The following LAT2 variants were observed in gnomAD, a reference collection of about 807,000 sequenced individuals.
LAT2 encodes the protein linker for activation of T cells family member 2, also known as linker for activation of T-cells family member 2.
LAT2 carries 23 observed loss-of-function variants against 43.4 expected under a neutral mutation model. The ratio of observed to expected loss-of-function variants is 0.53; its 90% CI spans 0.38 to 0.75. LAT2 has a LOEUF of 0.75. LAT2 is among the 30% of genes least tolerant of loss of function. The pLI, the probability that LAT2 is intolerant of heterozygous loss-of-function variation, is 0.00. For missense variants in LAT2, 284 were observed against 310.2 expected, an observed-to-expected ratio of 0.92 and a Z score of 0.64; for synonymous variants, 128 against 123.2, an observed-to-expected ratio of 1.04 and a Z score of -0.26.
chr7:74,214,075 T>TATATATATGAAAAAAAATATATATAA (rs1801842518), intron 1 of LAT2, among the ~76,000 whole-genome samples: 1 of 124,642 alleles, frequency 8.0e-6, no homozygotes, highest in African/African-American at 3.4e-5. Context: ...TATATATAAA[T>TATATATATGAAAAAAAATATATATAA]ATATATATAT....
chr7:74,219,226 C>T (rs983683382), intron 4 of LAT2, among the ~76,000 whole-genome samples: 8 of 151,858 alleles, frequency 5.3e-5, no homozygotes, highest in East Asian at 1.9e-4. Flanking sequence ...TTAGTAGAGA[C>T]GGGGTGAGTG....
Position 74,215,695 on chromosome 7 carries a change from G to A in LAT2, c.-29-252G>A, listed in dbSNP as rs150400815. Among the ~76,000 whole-genome samples the A allele has an allele frequency of 2.3e-4, 35 of 152,256 alleles. 1 individual carries two copies. In the East Asian group the frequency reaches 6.4e-3, roughly 28 times the overall value. On this transcript the variant is annotated intron_variant, in intron 2 of 13. Transcript: ENST00000460943. Reference sequence around the variant, plus strand: ...GTGTAGGGCTGTGTGCGTGCACATGGGGCTGTCTTGTGGGCCCCCAGAACC... The same window carrying A: ...GTGTAGGGCTGTGTGCGTGCACATGAGGCTGTCTTGTGGGCCCCCAGAACC...
At chr7:74,228,330 G>C (rs1802570023) in intron 13 of LAT2, among the ~76,000 whole-genome samples, 1 of 143,304 alleles carries the variant, frequency 7.0e-6, no homozygotes, top group Non-Finnish European at 1.5e-5. Flanking sequence ...CAAAAAATTA[G>C]CCGGGCATGG....
intron 1 of LAT2, among the ~76,000 whole-genome samples, chr7:74,214,126 AAATATATATATG>A (rs1801854079): frequency 3.4e-5 from 2 of 59,202 alleles, no homozygotes; most frequent in African/African-American, 1.6e-4. Flanking sequence ...ATATATATAT[AAATATATATATG>A]AAAATATATA....
At chr7:74,224,522 CG>C (rs1404847737) in intron 12 of LAT2, 116 bp from the exon 13 acceptor site, 1 of 841,780 alleles carries the variant, frequency 1.2e-6, no homozygotes, top group African/African-American at 1.7e-5. Flanking sequence ...CAGGACCTGT[CG>C]GGCGTGGCAT....
At chr7:74,223,477 A>T (rs566738770) in intron 10 of LAT2, among the ~76,000 whole-genome samples, 8 of 152,262 alleles carry the variant, frequency 5.3e-5, no homozygotes, top group African/African-American at 1.9e-4. Flanking sequence ...TGACAGAGCA[A>T]GACCGTCTCA....
Position 74,220,083 on chromosome 7 carries a change from C to A in LAT2, c.227+75C>A. On this transcript the variant is annotated intron_variant, in intron 6 of 13. Coordinates refer to ENST00000460943, the MANE Select transcript of LAT2 (RefSeq NM_032464.3). This position sits in a 1 kb window ranked among gnomAD's most constrained non-coding sequence, Gnocchi z 4.5. The stretch of plus-strand genomic sequence containing the variant: ...CTCACCTGGTGAGCCCAGGTCAAGA[C>A]CTCCCTCCCTCCCCGAGTCCCAGAG... The A allele has an allele frequency of 6.4e-7, 1 of 1,570,142 alleles. No individual in the cohort carries two copies. Among genetic ancestry groups the A allele is most frequent in the Non-Finnish European group, 8.7e-7 (1 of 1,149,582 alleles).
chr7:74,214,547 TATATATATGA>T (rs1801926032), intron 1 of LAT2, among the ~76,000 whole-genome samples: 1 of 4,996 alleles, frequency 2.0e-4, no homozygotes, highest in Non-Finnish European at 2.9e-4. Flanking sequence ...AATATATATA[TATATATATGA>T]AAATATATAT....
In LAT2 at chr7:74,229,408, G is replaced by C. The variant is rs1554716535; in HGVS notation, c.*483G>C. On this transcript the variant is annotated 3_prime_UTR_variant, in exon 14 of 14. Coordinates refer to ENST00000460943, the MANE Select transcript of LAT2 (RefSeq NM_032464.3). ...GCCATATTTAACATTCTGGATTTCAGAGTAGAGATTTCTGTGTTGTCTCCT... is the reference window on the plus strand; with the variant it reads ...GCCATATTTAACATTCTGGATTTCACAGTAGAGATTTCTGTGTTGTCTCCT... 6.5e-6 allele frequency: 1 copy of C among 152,674 alleles called. No individual in the cohort carries two copies. Among genetic ancestry groups the C allele is most frequent in the Non-Finnish European group, 1.5e-5 (1 of 68,058 alleles). The allele number at this position is 152,674 out of a possible 1,614,324, so 9.5% of individuals were successfully genotyped here.
At chr7:74,221,075 A>G (rs1802256347) in intron 9 of LAT2, among the ~76,000 whole-genome samples, 1 of 152,118 alleles carries the variant, frequency 6.6e-6, no homozygotes, top group Admixed American at 6.6e-5. Context: ...GGGGTGTTGC[A>G]TCATCTCACA....
At chr7:74,222,979 C>T (rs1418983742) in intron 10 of LAT2, among the ~76,000 whole-genome samples, 1 of 152,198 alleles carries the variant, frequency 6.6e-6, no homozygotes, top group Non-Finnish European at 1.5e-5. Flanking sequence ...GGGTGCCAGG[C>T]GCTGAGGTGC....
At chr7:74,219,639 C>G in intron 4 of LAT2, 105 bp from the exon 5 acceptor site, 1 of 1,372,614 alleles carries the variant, frequency 7.3e-7, no homozygotes, top group Non-Finnish European at 1.0e-6. Context: ...CCCAGTCCGT[C>G]CCTCTGCTTT....
At chr7:74,212,149 C>T (rs1554713243) in intron 1 of LAT2, among the ~76,000 whole-genome samples, 1 of 151,908 alleles carries the variant, frequency 6.6e-6, no homozygotes, top group African/African-American at 2.4e-5. Flanking sequence ...CTTGTTACAT[C>T]GTCCATGCTG....
At chr7:74,227,129 C>T (rs1230096287) in intron 13 of LAT2, among the ~76,000 whole-genome samples, 5 of 151,732 alleles carry the variant, frequency 3.3e-5, no homozygotes, top group African/African-American at 1.2e-4. Flanking sequence ...GCAAACTCCG[C>T]CTCCTGGGTT....
At chr7:74,222,337 G>A (rs1802317649) in intron 10 of LAT2, among the ~76,000 whole-genome samples, 1 of 150,864 alleles carries the variant, frequency 6.6e-6, no homozygotes, top group African/African-American at 2.4e-5. Context: ...GGAGGCGGAG[G>A]CTGCAGTGAG....
At chr7:74,228,075 C>A (rs2116210820) in intron 13 of LAT2, among the ~76,000 whole-genome samples, 1 of 139,728 alleles carries the variant, frequency 7.2e-6, no homozygotes, top group South Asian at 2.4e-4. Flanking sequence ...ACTCGGGAGG[C>A]TGAGGCACGA....
In LAT2 at chr7:74,223,488, A is replaced by G. The variant is rs574241216; in HGVS notation, c.389-236A>G. On this transcript the variant is annotated intron_variant, in intron 10 of 13. Coordinates refer to ENST00000460943, the MANE Select transcript of LAT2 (RefSeq NM_032464.3). Reference sequence around the variant, plus strand: ...TGGGTGACAGAGCAAGACCGTCTCAACAAGAAACAAAGAAGACAGAGGAGC... The same window carrying G: ...TGGGTGACAGAGCAAGACCGTCTCAGCAAGAAACAAAGAAGACAGAGGAGC... Among the ~76,000 whole-genome samples, 4 of 152,230 alleles carry G rather than the reference A, an allele frequency of 2.6e-5. No homozygotes were observed. The South Asian group carries it at 8.3e-4, about 32-fold the overall frequency.
intron 4 of LAT2, 75 bp from the exon 5 acceptor site, chr7:74,219,669 T>A (rs1802188361): frequency 6.4e-7 from 1 of 1,567,178 alleles, no homozygotes; most frequent in African/African-American, 1.4e-5. Flanking sequence ...TCCCTGCCTG[T>A]CCCTCCCTCC....
intron 1 of LAT2, among the ~76,000 whole-genome samples, chr7:74,210,891 C>A (rs13223234): frequency 6.6e-6 from 1 of 152,202 alleles, no homozygotes; most frequent in African/African-American, 2.4e-5. Flanking sequence ...AGCCAGGCTG[C>A]CCCCTCCCCA....
Sources: gnomAD v4.1 joint callset for allele counts (sites outside exome capture counted in the v4.1 genomes callset) on GRCh38, gnomAD v4.1.1 for gene constraint, Gnocchi (gnomAD v3.1) non-coding constraint, MANE v1.5 for transcripts, NCBI Gene and HGNC (gene_info 2026-07-23, HGNC 2026-07-21) for gene names.